Variants in SEMA6D observed in about 807,000 individuals in gnomAD.
SEMA6D encodes semaphorin-6D.
In SEMA6D, 35 loss-of-function variants were observed where a neutral mutation model predicts 106.6. The ratio of observed to expected loss-of-function variants is 0.33; its 90% CI spans 0.25 to 0.44. SEMA6D has a LOEUF of 0.44. SEMA6D is among the 20% of genes least tolerant of loss of function. The probability of loss-of-function intolerance (pLI) is 1.00; values close to 1 mark genes in which losing one functional copy is unlikely to be tolerated. For missense variants in SEMA6D, 1,185 were observed against 1,345.9 expected, an observed-to-expected ratio of 0.88 and a Z score of 1.87; for synonymous variants, 499 against 487.7, an observed-to-expected ratio of 1.02 and a Z score of -0.31.
chr15:47,599,809 A>G (rs2076610483), intron 3 of SEMA6D, among the ~76,000 whole-genome samples: 1 of 152,130 alleles, frequency 6.6e-6, no homozygotes, highest in African/African-American at 2.4e-5. Flanking sequence ...TGAACTAATC[A>G]ATCAATTTTG....
chr15:47,268,527 G>A (rs1476917442), intron 1 of SEMA6D, among the ~76,000 whole-genome samples: 2 of 152,112 alleles, frequency 1.3e-5, no homozygotes, highest in Non-Finnish European at 2.9e-5. Context: ...AGTGGGTTCA[G>A]ATCTTTCTTT....
chr15:47,479,024 T>G (rs527271115), intron 3 of SEMA6D, among the ~76,000 whole-genome samples: 1 of 152,124 alleles, frequency 6.6e-6, no homozygotes, highest in African/African-American at 2.4e-5. Context: ...GCCTCCAACC[T>G]GGTCCCTCCA....
intron 1 of SEMA6D, among the ~76,000 whole-genome samples, chr15:47,731,671 C>T (rs2080132251): frequency 6.6e-6 from 1 of 152,178 alleles, no homozygotes. Flanking sequence ...GTAATTATTA[C>T]TTTACCCAGT....
At chr15:47,725,639 C>G (rs1309132630) in intron 1 of SEMA6D, among the ~76,000 whole-genome samples, 1 of 152,028 alleles carries the variant, frequency 6.6e-6, no homozygotes, top group African/African-American at 2.4e-5. Context: ...CCATCATTAA[C>G]CCTTTGATTA....
chr15:47,605,298 A>G (rs2076755202), intron 4 of SEMA6D: 1 of 152,190 alleles, frequency 6.6e-6, no homozygotes, highest in Non-Finnish European at 1.5e-5. Context: ...GCCTCTCCAT[A>G]GGCCACTTGA....
chr15:47,717,725 T>C (rs926266578), intron 1 of SEMA6D, 33 bp downstream of exon 1: 4 of 151,990 alleles, frequency 2.6e-5, no homozygotes, highest in African/African-American at 7.3e-5. Context: ...GCTAATGCTC[T>C]TGTGGCGCCC....
chr15:47,410,005 T>A (rs989591336), intron 1 of SEMA6D, among the ~76,000 whole-genome samples: 7 of 152,090 alleles, frequency 4.6e-5, no homozygotes, highest in African/African-American at 1.4e-4. Context: ...ATTTTTTTTT[T>A]AAACAGGGTC....
At chr15:47,759,115 A>G (rs1450094390) in intron 1 of SEMA6D, among the ~76,000 whole-genome samples, 1 of 152,104 alleles carries the variant, frequency 6.6e-6, no homozygotes, top group Non-Finnish European at 1.5e-5. Flanking sequence ...TCATGAAATC[A>G]TTGTATTTCT....
intron 2 of SEMA6D, among the ~76,000 whole-genome samples, chr15:47,469,380 T>A (rs2141144805): frequency 6.6e-6 from 1 of 151,896 alleles, no homozygotes; most frequent in East Asian, 1.9e-4. Flanking sequence ...GGGGGAGGAC[T>A]TCAAAATTGT....
At chr15:47,404,169 T>A (rs1270170020) in intron 1 of SEMA6D, among the ~76,000 whole-genome samples, 1 of 152,124 alleles carries the variant, frequency 6.6e-6, no homozygotes, top group African/African-American at 2.4e-5. Flanking sequence ...CCTTAAATTA[T>A]TCTGTTGTCG....
At chr15:47,759,512 A>C (rs1219874390) in intron 1 of SEMA6D, among the ~76,000 whole-genome samples, 2 of 152,146 alleles carry the variant, frequency 1.3e-5, no homozygotes, top group Non-Finnish European at 2.9e-5. Flanking sequence ...TACCTCCAAA[A>C]TTCTCGTGAA....
chr15:47,737,127 T>A (rs2080490951), intron 1 of SEMA6D, among the ~76,000 whole-genome samples: 1 of 152,212 alleles, frequency 6.6e-6, no homozygotes, highest in South Asian at 2.1e-4. Flanking sequence ...AAAATTATAA[T>A]ATGCTAATTT....
At chr15:47,518,872 T>C (rs1596221712) in intron 3 of SEMA6D, among the ~76,000 whole-genome samples, 1 of 152,124 alleles carries the variant, frequency 6.6e-6, no homozygotes, top group Non-Finnish European at 1.5e-5. Flanking sequence ...CTGAAGGACC[T>C]CCCTGAGGCT....
intron 4 of SEMA6D, among the ~76,000 whole-genome samples, chr15:47,613,970 T>C (rs563103572): frequency 4.5e-4 from 69 of 152,308 alleles, no homozygotes; most frequent in African/African-American, 1.4e-3. Flanking sequence ...ATGAATCTTA[T>C]TCTTTCAAGG....
intron 1 of SEMA6D, among the ~76,000 whole-genome samples, chr15:47,364,763 C>A (rs1454635356): frequency 6.6e-6 from 1 of 151,886 alleles, no homozygotes; most frequent in South Asian, 2.1e-4. Context: ...TACTGCCACC[C>A]TCCTCCCCAT....
chr15:47,714,682 A>T (rs779376637), upstream of SEMA6D, among the ~76,000 whole-genome samples: 1 of 152,198 alleles, frequency 6.6e-6, no homozygotes, highest in Non-Finnish European at 1.5e-5. Context: ...ATCTCCATTC[A>T]TCCATACCTT....
intron 4 of SEMA6D, among the ~76,000 whole-genome samples, chr15:47,625,287 A>G (rs1250048378): frequency 1.3e-5 from 2 of 152,202 alleles, no homozygotes; most frequent in South Asian, 2.1e-4. Flanking sequence ...AAGTGAATGA[A>G]TGCATAAATA....
At chr15:47,233,157 A>C (rs1479032173) in intron 1 of SEMA6D, among the ~76,000 whole-genome samples, 3 of 151,982 alleles carry the variant, frequency 2.0e-5, no homozygotes, top group African/African-American at 7.2e-5. Flanking sequence ...AAAGTTTTGC[A>C]TGTGAATATC....
intron 3 of SEMA6D, among the ~76,000 whole-genome samples, chr15:47,533,357 A>C (rs1020316300): frequency 2.6e-5 from 4 of 152,242 alleles, no homozygotes; most frequent in African/African-American, 7.2e-5. Context: ...AACTTTGAGC[A>C]TAGACATGGT....
Sources: allele counts gnomAD v4.1 joint callset (sites outside exome capture counted in the v4.1 genomes callset), GRCh38; gene constraint gnomAD v4.1.1; transcripts MANE v1.5; gene names NCBI Gene and HGNC (gene_info 2026-07-23, HGNC 2026-07-21).